The following ROBO1 variants were observed in gnomAD, a reference collection of about 807,000 sequenced individuals.
ROBO1 encodes the protein roundabout guidance receptor 1.
ROBO1 carries 149 observed loss-of-function variants against 195.9 expected under a neutral mutation model. The observed-to-expected ratio is 0.76, with a 90% CI of 0.67 to 0.87. ROBO1 has a LOEUF of 0.87. Ranked by LOEUF, ROBO1 falls within the 40% of genes least tolerant of loss-of-function variation. The pLI is 0.00. For synonymous variants in ROBO1, 816 were observed against 733.2 expected, an observed-to-expected ratio of 1.11 and a Z score of -1.82; for missense variants, 1,933 against 2,068.3, an observed-to-expected ratio of 0.93 and a Z score of 1.27.
chr3:79,221,947 T>C (rs1304035946), intron 2 of ROBO1, among the ~76,000 whole-genome samples: 1 of 152,100 alleles, frequency 6.6e-6, no homozygotes, highest in African/African-American at 2.4e-5. Flanking sequence ...ACATATTAAT[T>C]CTAGTTCTAT....
intron 2 of ROBO1, among the ~76,000 whole-genome samples, chr3:79,468,386 G>A (rs1023878881): frequency 5.3e-5 from 8 of 152,136 alleles, no homozygotes; most frequent in African/African-American, 1.9e-4. Context: ...GGGAAGTTAA[G>A]TGGCTTTTTC....
At chr3:79,507,669 T>TAAA (rs372577878) in intron 2 of ROBO1, among the ~76,000 whole-genome samples, 124 of 152,308 alleles carry the variant, frequency 8.1e-4, no homozygotes, top group Non-Finnish European at 1.4e-3. Flanking sequence ...AACATGGGTG[T>TAAA]GTTTCTGTGG....
intron 2 of ROBO1, among the ~76,000 whole-genome samples, chr3:79,245,561 G>A (rs780474522): frequency 1.3e-5 from 2 of 151,794 alleles, no homozygotes; most frequent in Non-Finnish European, 2.9e-5. Flanking sequence ...TGTGAATCCT[G>A]AGAAAGATAT....
At chr3:79,642,987 G>C (rs1048029880) in intron 1 of ROBO1, among the ~76,000 whole-genome samples, 1 of 152,068 alleles carries the variant, frequency 6.6e-6, no homozygotes, top group Non-Finnish European at 1.5e-5. Flanking sequence ...GGGTTTGTCT[G>C]TGAGGGTGTT....
chr3:78,962,989 T>G (rs1036562541), intron 3 of ROBO1, among the ~76,000 whole-genome samples: 1 of 151,984 alleles, frequency 6.6e-6, no homozygotes, highest in Non-Finnish European at 1.5e-5. Context: ...TTAATATTCT[T>G]AAGAAAGATA....
chr3:79,190,871 G>A (rs1453842322), intron 2 of ROBO1, among the ~76,000 whole-genome samples: 1 of 151,572 alleles, frequency 6.6e-6, no homozygotes, highest in African/African-American at 2.4e-5. Flanking sequence ...GTGAAGGAAT[G>A]AATGCAAAAA....
intron 1 of ROBO1, among the ~76,000 whole-genome samples, chr3:79,632,273 T>G (rs1945368291): frequency 6.6e-6 from 1 of 152,170 alleles, no homozygotes; most frequent in African/African-American, 2.4e-5. Flanking sequence ...GTGTGGACTC[T>G]ATACACCATG....
intron 3 of ROBO1, among the ~76,000 whole-genome samples, chr3:79,118,624 C>T (rs2080054558): frequency 6.6e-6 from 1 of 151,994 alleles, no homozygotes; most frequent in Non-Finnish European, 1.5e-5. Context: ...AATCCCAGCA[C>T]TTTGGGAGGC....
At chr3:79,637,176 G>T (rs1241760021) in intron 1 of ROBO1, among the ~76,000 whole-genome samples, 6 of 152,132 alleles carry the variant, frequency 3.9e-5, no homozygotes, top group Non-Finnish European at 1.5e-5. Flanking sequence ...CCCTGAAATA[G>T]AACAAGTAAT....
Position 78,931,236 on chromosome 3 carries a change from CTTTTTTTTTT to C in ROBO1, c.499+7355_499+7364del, listed in dbSNP as rs71127369. On this transcript the variant is annotated intron_variant, in intron 4 of 30. Transcript: ENST00000464233. ...AAACAACATTTTCTTTTCTTTCTTT[CTTTTTTTTTT>C]TTTTTTTTTTTTTGAGACAGTTTCA... Among the ~76,000 whole-genome samples the C allele has an allele frequency of 7.6e-5, 6 of 79,208 alleles. 1 individual carries two copies. Among genetic ancestry groups the C allele is most frequent in the Admixed American group, 5.2e-4 (3 of 5,740 alleles). The allele number at this position is 79,208 out of a possible 152,430, so 52.0% of individuals were successfully genotyped here. A position where few individuals can be genotyped will look rare whatever the true frequency, so the allele number is the denominator to read the frequency against.
chr3:79,246,154 T>C (rs2082621026), intron 2 of ROBO1, among the ~76,000 whole-genome samples: 2 of 152,146 alleles, frequency 1.3e-5, no homozygotes, highest in African/African-American at 2.4e-5. Flanking sequence ...TATTGTCATT[T>C]TAAACAGTAA....
intron 2 of ROBO1, among the ~76,000 whole-genome samples, chr3:79,575,147 T>TATAAC (rs1223233224): frequency 7.4e-6 from 1 of 135,098 alleles, no homozygotes; most frequent in African/African-American, 2.8e-5. Context: ...AACAAATATA[T>TATAAC]AAATATATAT....
intron 10 of ROBO1, among the ~76,000 whole-genome samples, chr3:78,673,774 G>A (rs1708237496): frequency 6.6e-6 from 1 of 150,552 alleles, no homozygotes; most frequent in African/African-American, 2.4e-5. Flanking sequence ...AATATATTTA[G>A]GAAATAATTT....
At chr3:78,994,874 A>G (rs1351768460) in intron 3 of ROBO1, among the ~76,000 whole-genome samples, 1 of 152,122 alleles carries the variant, frequency 6.6e-6, no homozygotes, top group Non-Finnish European at 1.5e-5. Flanking sequence ...ATAATGACCT[A>G]CCATTTAATG....
At position 78,636,106 on chromosome 3, in the gene ROBO1, C is replaced by A. The variant is rs1705482106; in HGVS notation, c.3040G>T (p.Asp1014Tyr). ...TGGTTGTTATAATTTGCTATACAAT[C>A]AGCTATGTGCAATGGAGAGGAAAAG... is the stretch of plus-strand genomic sequence containing the variant. ...SNLTTYSRPADCIANYNNQLD... is the reference protein window; with the variant it reads ...SNLTTYSRPAYCIANYNNQLD... The change falls in exon 23 of 31, where the codon GAT becomes TAT. Residue 1014 changes from aspartate (D) to tyrosine (Y), a missense_variant and splice_region_variant. Asp to Tyr is a radical substitution (Grantham distance 160). Coordinates refer to ENST00000464233, the MANE Select transcript of ROBO1 (RefSeq NM_002941.4). 1 of 1,601,574 alleles carries A rather than the reference C, an allele frequency of 6.2e-7. No homozygotes were observed. Among genetic ancestry groups the A allele is most frequent in the Non-Finnish European group, 8.5e-7 (1 of 1,170,626 alleles).
At chr3:79,513,656 G>C (rs949776094) in intron 2 of ROBO1, among the ~76,000 whole-genome samples, 1 of 151,802 alleles carries the variant, frequency 6.6e-6, no homozygotes, top group Non-Finnish European at 1.5e-5. Flanking sequence ...TGCCTTGTAA[G>C]AGCCAGCATT....
intron 2 of ROBO1, among the ~76,000 whole-genome samples, chr3:79,338,193 A>G (rs2034756978): frequency 6.6e-6 from 1 of 152,234 alleles, no homozygotes; most frequent in African/African-American, 2.4e-5. Context: ...AAATAATCTT[A>G]TACAAACATA....
intron 1 of ROBO1, among the ~76,000 whole-genome samples, chr3:79,593,768 G>T (rs1039999213): frequency 4.0e-5 from 6 of 151,688 alleles, no homozygotes; most frequent in African/African-American, 1.5e-4. Context: ...GTACCACAAC[G>T]CCTGGCTAAT....
intron 1 of ROBO1, among the ~76,000 whole-genome samples, chr3:79,615,152 A>ACTT (rs1944780764): frequency 6.6e-6 from 1 of 152,098 alleles, no homozygotes. Flanking sequence ...TAAAACGGAT[A>ACTT]CTTAAGATGA....
Sources: allele counts gnomAD v4.1 joint callset (sites outside exome capture counted in the v4.1 genomes callset), GRCh38; gene constraint gnomAD v4.1.1; transcripts MANE v1.5; gene names NCBI Gene and HGNC (gene_info 2026-07-23, HGNC 2026-07-21).